The following FAM169A variants were observed in gnomAD, a reference collection of about 807,000 sequenced individuals.
The protein encoded by FAM169A is soluble lamin-associated protein of 75 kDa.
A neutral mutation model predicts 75.7 loss-of-function variants in FAM169A; 24 were observed. That is an observed-to-expected ratio of 0.32 (90% confidence interval 0.23 to 0.45). The LOEUF (loss-of-function observed/expected upper bound fraction) is 0.45, where lower values mean the gene tolerates loss of function less well. Ranked by LOEUF, FAM169A falls within the 20% of genes least tolerant of loss-of-function variation. The probability of loss-of-function intolerance (pLI) is 1.00; values close to 1 mark genes in which losing one functional copy is unlikely to be tolerated. For missense variants in FAM169A, 673 were observed against 784.0 expected, an observed-to-expected ratio of 0.86 and a Z score of 1.69; for synonymous variants, 271 against 271.0, an observed-to-expected ratio of 1.00 and a Z score of 0.00.
In FAM169A at chr5:74,844,758, G is replaced by A. The variant is rs183328523; in HGVS notation, c.-3-3079C>T. On this transcript the variant is annotated intron_variant, in intron 1 of 12. Coordinates refer to ENST00000687041, the MANE Select transcript of FAM169A (RefSeq NM_001376049.1). ...CTTGAACCCGGGAGGTGGAGTGTACGGTGAGCCAAGATCGCACCACTGCAC... is the reference window on the plus strand; with the variant it reads ...CTTGAACCCGGGAGGTGGAGTGTACAGTGAGCCAAGATCGCACCACTGCAC... 6.0e-3 allele frequency among the ~76,000 whole-genome samples: 909 copies of A among 152,082 alleles called. 3 individuals carry two copies. Among genetic ancestry groups the A allele is most frequent in the South Asian group, 0.019 (94 of 4,822 alleles).
chr5:74,827,645 G>A (rs1419348011), intron 5 of FAM169A, among the ~76,000 whole-genome samples: 2 of 150,412 alleles, frequency 1.3e-5, no homozygotes, highest in Admixed American at 1.3e-4. Flanking sequence ...AAATACAACT[G>A]TTAATGAAAT....
At position 74,779,740 on chromosome 5, in the gene FAM169A, T is replaced by C. The variant is rs573002798; in HGVS notation, c.*1720A>G. On this transcript the variant is annotated 3_prime_UTR_variant, in exon 13 of 13. Coordinates refer to ENST00000687041, the MANE Select transcript of FAM169A (RefSeq NM_001376049.1). ...TTGACTAATTAAAGAAAATATAGGG[T>C]AATACAATTGTTCAAAATCTAACAC... The C allele has an allele frequency of 6.6e-6, 1 of 152,262 alleles. No homozygotes were observed. The highest frequency in any genetic ancestry group is 6.5e-5 in the Admixed American group (1 of 15,300). 9.4% of individuals were successfully genotyped at this position (152,262 alleles called of 1,614,324 possible).
intron 7 of FAM169A, among the ~76,000 whole-genome samples, chr5:74,804,817 T>C (rs764384271): frequency 6.6e-5 from 10 of 152,208 alleles, no homozygotes; most frequent in South Asian, 2.1e-4. Context: ...TTAGTAGCTT[T>C]GGGGAGAAGT....
At chr5:74,816,445 A>G (rs115349122) in intron 5 of FAM169A, among the ~76,000 whole-genome samples, 1 of 152,210 alleles carries the variant, frequency 6.6e-6, no homozygotes, top group Admixed American at 6.5e-5. Context: ...GACTAGTGTT[A>G]AAATGGCCAG....
At chr5:74,815,116 G>A (rs1181723094) in intron 5 of FAM169A, among the ~76,000 whole-genome samples, 3 of 152,022 alleles carry the variant, frequency 2.0e-5, no homozygotes, top group Non-Finnish European at 2.9e-5. Flanking sequence ...AACAATCTCC[G>A]AGACTACCGA....
chr5:74,844,438 T>G (rs1339537395), intron 1 of FAM169A, among the ~76,000 whole-genome samples: 2 of 151,400 alleles, frequency 1.3e-5, no homozygotes, highest in Non-Finnish European at 2.9e-5. Context: ...GGTAACACAG[T>G]GGGACCTTGT....
Position 74,841,530 on chromosome 5 carries a change from T to C in FAM169A, c.132+15A>G. On this transcript the variant is annotated intron_variant, in intron 2 of 12. Coordinates refer to ENST00000687041, the MANE Select transcript of FAM169A (RefSeq NM_001376049.1). ...AACTGAAAAGATTGATGACAATCACTGCAGAACACCTTACCGTAATATTGA... is the reference window on the plus strand; with the variant it reads ...AACTGAAAAGATTGATGACAATCACCGCAGAACACCTTACCGTAATATTGA... 1.2e-6 allele frequency: 2 copies of C among 1,600,944 alleles called. No homozygotes were observed. Among genetic ancestry groups the C allele is most frequent in the Non-Finnish European group, 1.7e-6 (2 of 1,172,302 alleles).
chr5:74,818,070 G>C (rs1747562133), intron 5 of FAM169A, among the ~76,000 whole-genome samples: 1 of 152,094 alleles, frequency 6.6e-6, no homozygotes, highest in South Asian at 2.1e-4. Flanking sequence ...GAAAACATAG[G>C]TGCAAGCCTT....
chr5:74,801,629 T>A lies in FAM169A; in HGVS notation c.913A>T (p.Ile305Phe). 1 of 1,608,310 alleles carries A rather than the reference T, an allele frequency of 6.2e-7. No individual in the cohort carries two copies. Among genetic ancestry groups the A allele is most frequent in the Admixed American group, 1.7e-5 (1 of 58,808 alleles). ...GCAAAGGCATCTTTTAGAGAATCAA[T>A]CTAAAAAAGAGAGAGATTCAAACCC... ...DNQSSEMQLT[I>F]DSLKDAFAST... The change falls in exon 9 of 13, where the codon ATT becomes TTT. Residue 305 changes from isoleucine (I) to phenylalanine (F), a missense_variant and splice_region_variant. Ile to Phe is a conservative substitution (Grantham distance 21). Transcript: ENST00000687041.
chr5:74,791,526 A>G (rs1287246244), intron 11 of FAM169A, among the ~76,000 whole-genome samples: 1 of 152,238 alleles, frequency 6.6e-6, no homozygotes, highest in African/African-American at 2.4e-5. Context: ...CCTACCTTTA[A>G]GTCAACAGGC....
rs568055842 is a variant in FAM169A, at chr5:74,860,277, G to A, written c.-4+5888C>T. ...AGCCAATCCAAACTTGAAAGCACTG[G>A]CATACATGTATAAAAGCTTTTAGAC... On this transcript the variant is annotated intron_variant, in intron 1 of 12. Transcript: ENST00000687041. Among the ~76,000 whole-genome samples, 5 of 152,250 alleles carry A rather than the reference G, an allele frequency of 3.3e-5. 1 individual carries two copies. The South Asian group carries it at 1.0e-3, about 32-fold the overall frequency.
chr5:74,792,654 G>C (rs976514707), intron 11 of FAM169A, among the ~76,000 whole-genome samples: 10 of 151,622 alleles, frequency 6.6e-5, no homozygotes, highest in Non-Finnish European at 1.3e-4. Flanking sequence ...TGTCCCTCTA[G>C]AGAACCCTGA....
chr5:74,803,354 T>C (rs1472216330), intron 8 of FAM169A, among the ~76,000 whole-genome samples: 2 of 152,098 alleles, frequency 1.3e-5, no homozygotes, highest in Non-Finnish European at 2.9e-5. Flanking sequence ...AGTCTGAATT[T>C]CCAAAAGTAG....
chr5:74,832,150 T>G (rs1748344768), intron 5 of FAM169A, among the ~76,000 whole-genome samples: 1 of 152,084 alleles, frequency 6.6e-6, no homozygotes, highest in South Asian at 2.1e-4. Context: ...TTTGCAGAAT[T>G]GTTTGAAAAT....
chr5:74,853,317 T>G (rs954957807), intron 1 of FAM169A, among the ~76,000 whole-genome samples: 1 of 152,244 alleles, frequency 6.6e-6, no homozygotes, highest in African/African-American at 2.4e-5. Context: ...ATTGCTTATC[T>G]TGCACCTCGC....
chr5:74,834,065 G>C (rs1748451178), intron 5 of FAM169A, among the ~76,000 whole-genome samples: 1 of 152,076 alleles, frequency 6.6e-6, no homozygotes, highest in Non-Finnish European at 1.5e-5. Context: ...AGGTAGACTG[G>C]GGTTTTAGAA....
intron 1 of FAM169A, among the ~76,000 whole-genome samples, chr5:74,846,827 G>C (rs1192626939): frequency 6.6e-6 from 1 of 152,136 alleles, no homozygotes; most frequent in Non-Finnish European, 1.5e-5. Context: ...CCTCCAGTGT[G>C]ATTATGTGAT....
chr5:74,865,033 T>C (rs1467040911), intron 1 of FAM169A, among the ~76,000 whole-genome samples: 1 of 152,226 alleles, frequency 6.6e-6, no homozygotes, highest in African/African-American at 2.4e-5. Flanking sequence ...CAGATCCACT[T>C]CGGTGAATTC....
At chr5:74,853,483 A>G (rs1749548847) in intron 1 of FAM169A, among the ~76,000 whole-genome samples, 1 of 152,122 alleles carries the variant, frequency 6.6e-6, no homozygotes, top group African/African-American at 2.4e-5. Flanking sequence ...TCCAGCTCTG[A>G]GCCTAGGCAA....
Sources: gnomAD v4.1 joint callset for allele counts (sites outside exome capture counted in the v4.1 genomes callset) on GRCh38, gnomAD v4.1.1 for gene constraint, MANE v1.5 for transcripts, NCBI Gene and HGNC (gene_info 2026-07-23, HGNC 2026-07-21) for gene names.